MYCBP2: variants seen among roughly 807,000 people sequenced by gnomAD.
MYCBP2 encodes E3 ubiquitin-protein ligase MYCBP2.
Under a neutral mutation model 525.3 loss-of-function variants are expected in MYCBP2, and 120 were observed. The ratio of observed to expected loss-of-function variants is 0.23; its 90% CI spans 0.20 to 0.27. MYCBP2 has a LOEUF of 0.27. MYCBP2 is among the 10% of genes least tolerant of loss of function. The probability of loss-of-function intolerance (pLI) is 1.00; values close to 1 mark genes in which losing one functional copy is unlikely to be tolerated. For synonymous variants in MYCBP2, 1,894 were observed against 1,955.8 expected (o/e 0.97, Z 0.83); for missense variants, 4,149 against 5,657.1 (o/e 0.73, Z 8.55).
At chr13:77,084,511 A>G (rs897842300) in intron 62 of MYCBP2, among the ~76,000 whole-genome samples, 4 of 152,136 alleles carry the variant, frequency 2.6e-5, no homozygotes, top group Non-Finnish European at 5.9e-5. Context: ...GGCCATCTAG[A>G]TTCCATCAAG....
intron 55 of MYCBP2, chr13:77,103,458 C>A: frequency 7.7e-6 from 3 of 388,808 alleles, no homozygotes; most frequent in Non-Finnish European, 1.4e-5. Flanking sequence ...TATTTTTGAA[C>A]AAGTTTACAT....
Position 77,097,527 on chromosome 13 carries a change from T to G in MYCBP2, c.9627A>C (p.Lys3209Asn). ...TAACTTCTGCCTTTTCTTTTTTCTTTTTTTCCTTTTTGGACTTCTTATTCT... is the reference window on the plus strand; with the variant it reads ...TAACTTCTGCCTTTTCTTTTTTCTTGTTTTCCTTTTTGGACTTCTTATTCT... ...EKENKKSKKE[K>N]KKKEKAEVRP... Residue 3209 changes from lysine (K) to asparagine (N), a missense_variant, in exon 56 of 83, where the codon AAA becomes AAC. Coordinates refer to ENST00000544440, the MANE Select transcript of MYCBP2 (RefSeq NM_015057.5). 6 of 1,612,340 alleles carry G rather than the reference T, an allele frequency of 3.7e-6. No individual in the cohort carries two copies. The highest frequency in any genetic ancestry group is 4.2e-6 in the Non-Finnish European group (5 of 1,179,336).
At chr13:77,298,750 A>T (rs936392302) in intron 1 of MYCBP2, among the ~76,000 whole-genome samples, 2 of 152,230 alleles carry the variant, frequency 1.3e-5, no homozygotes, top group African/African-American at 4.8e-5. Context: ...CATGGAAACT[A>T]TGTATGTGGA....
At chr13:77,223,922 T>A (rs905516757) in intron 20 of MYCBP2, among the ~76,000 whole-genome samples, 4 of 147,904 alleles carry the variant, frequency 2.7e-5, no homozygotes. Context: ...CTAAAACAAA[T>A]GAAGTAGGGA....
Position 77,095,279 on chromosome 13 carries a change from T to A in MYCBP2, c.10199+79A>T, listed in dbSNP as rs191967706. 1.9e-4 allele frequency: 297 copies of A among 1,530,024 alleles called. No individual in the cohort carries two copies. In the African/African-American group the frequency reaches 3.4e-3, roughly 18 times the overall value. The allele number at this position is 1,530,024 out of a possible 1,614,324, so 94.8% of individuals were successfully genotyped here. On this transcript the variant is annotated intron_variant, in intron 58 of 82. Coordinates refer to ENST00000544440, the MANE Select transcript of MYCBP2 (RefSeq NM_015057.5). The stretch of plus-strand genomic sequence containing the variant: ...AATAGCTAATAAAGTGTAGGTCAAA[T>A]ACCGAACTACCCTAGATATCAATAA...
intron 18 of MYCBP2, among the ~76,000 whole-genome samples, chr13:77,232,441 T>C (rs2067263633): frequency 1.3e-5 from 2 of 152,168 alleles, no homozygotes; most frequent in African/African-American, 4.8e-5. Context: ...TTCCTGATCT[T>C]AGCTGACCCA....
At chr13:77,151,367 T>C (rs1321599520) in intron 46 of MYCBP2, among the ~76,000 whole-genome samples, 1 of 152,234 alleles carries the variant, frequency 6.6e-6, no homozygotes, top group Non-Finnish European at 1.5e-5. Context: ...TGAGCTGCAC[T>C]GTTCTACAGA....
chr13:77,098,683 G>A lies in MYCBP2; in HGVS notation c.8471C>T (p.Pro2824Leu). ...GPGSRLSSPKPKTLPANRSSP... is the reference protein window; with the variant it reads ...GPGSRLSSPKLKTLPANRSSP... The stretch of plus-strand genomic sequence containing the variant: ...AGACCTATTGGCTGGGAGAGTCTTT[G>A]GCTTAGGAGATGACAACCGAGAACC... Residue 2824 changes from proline to leucine, a missense_variant, in exon 56 of 83, where the codon CCA (proline) becomes CTA (leucine). Coordinates refer to ENST00000544440, the MANE Select transcript of MYCBP2 (RefSeq NM_015057.5). The A allele has an allele frequency of 1.2e-6, 2 of 1,613,500 alleles. No homozygotes were observed. Among genetic ancestry groups the A allele is most frequent in the African/African-American group, 1.3e-5 (1 of 74,936 alleles).
At chr13:77,154,265 A>G (rs2056927945) in intron 46 of MYCBP2, among the ~76,000 whole-genome samples, 1 of 152,122 alleles carries the variant, frequency 6.6e-6, no homozygotes, top group African/African-American at 2.4e-5. Flanking sequence ...TAAATTGGAT[A>G]AATCTGACAT....
At chr13:77,249,332 A>G (rs1250930510) in intron 15 of MYCBP2, among the ~76,000 whole-genome samples, 4 of 152,224 alleles carry the variant, frequency 2.6e-5, no homozygotes, top group Non-Finnish European at 5.9e-5. Flanking sequence ...AGTCAGCTTA[A>G]TAGTCCTTAA....
chr13:77,137,926 A>AAC (rs1263654699), intron 52 of MYCBP2, among the ~76,000 whole-genome samples: 1 of 152,120 alleles, frequency 6.6e-6, no homozygotes, highest in Non-Finnish European at 1.5e-5. Context: ...CCCCTTGCCC[A>AAC]ACAAAAAAGT....
chr13:77,270,188 T>C (rs892051441), intron 6 of MYCBP2, 108 bp downstream of exon 6: 1 of 1,427,132 alleles, frequency 7.0e-7, no homozygotes, highest in Non-Finnish European at 9.5e-7. Context: ...TAAATATTAT[T>C]ACACTAAAAT....
Position 77,097,926 on chromosome 13 carries a change from T to C in MYCBP2, c.9228A>G (p.Gln3076=). 2 of 1,612,878 alleles carry C rather than the reference T, an allele frequency of 1.2e-6. No individual in the cohort carries two copies. The highest frequency in any genetic ancestry group is 1.7e-6 in the Non-Finnish European group (2 of 1,179,628). The change falls in exon 56 of 83, where the codon CAA becomes CAG. Residue 3076 remains glutamine, a synonymous_variant. Transcript: ENST00000544440. ...ACTTGGTTTCTTTTTCCTCTGTAGG[T>C]TGTTGGCTATTTAAACTACTCCTTA... The part of the protein sequence containing the change: ...APIRSSLNSQ[Q]PTEEKETKLK...
intron 1 of MYCBP2, among the ~76,000 whole-genome samples, chr13:77,315,220 G>C (rs1333223584): frequency 6.6e-6 from 1 of 152,132 alleles, no homozygotes; most frequent in Non-Finnish European, 1.5e-5. Context: ...CATTCAAGAA[G>C]AAATAACAAC....
At chr13:77,125,553 G>T in intron 53 of MYCBP2, 85 bp from the exon 54 acceptor site, 1 of 1,456,722 alleles carries the variant, frequency 6.9e-7, no homozygotes, top group Admixed American at 1.8e-5. Flanking sequence ...TTACGTGTCT[G>T]AATAGTGTAA....
chr13:77,224,644 A>C (rs1452931854), intron 19 of MYCBP2, 112 bp from the exon 20 acceptor site: 2 of 571,818 alleles, frequency 3.5e-6, no homozygotes, highest in Non-Finnish European at 6.0e-6. Context: ...AGAACCATTA[A>C]AAATAGGTAA....
At chr13:77,179,124 G>C (rs181107282) in intron 34 of MYCBP2, among the ~76,000 whole-genome samples, 275 of 152,136 alleles carry the variant, frequency 1.8e-3, no homozygotes, top group Admixed American at 3.3e-3. Context: ...AATTCTAAAG[G>C]CTAAACTGTC....
rs766349839 is a variant in MYCBP2, at chr13:77,225,447, A to C, written c.2845T>G (p.Phe949Val). ...ELRAVQVSCG[F>V]HHSVVLMENG... is the part of the protein sequence containing the mutation. ...TTCCAGCCGCTACCTGAATGGTGAA[A>C]TCCACAGCTGACTTGGACTGCCCGG... is the stretch of plus-strand genomic sequence containing the variant. Residue 949 changes from phenylalanine to valine, a missense_variant, in exon 19 of 83, where the codon TTT (phenylalanine) becomes GTT (valine). Coordinates refer to ENST00000544440, the MANE Select transcript of MYCBP2 (RefSeq NM_015057.5). The C allele has an allele frequency of 4.5e-5, 72 of 1,613,534 alleles. No individual in the cohort carries two copies. Among genetic ancestry groups the C allele is most frequent in the Non-Finnish European group, 5.7e-5 (67 of 1,179,706 alleles).
intron 2 of MYCBP2, among the ~76,000 whole-genome samples, chr13:77,289,720 G>A (rs868605844): frequency 6.6e-6 from 1 of 151,716 alleles, no homozygotes; most frequent in African/African-American, 2.4e-5. Flanking sequence ...ATCCAGCCAA[G>A]GGAAAAAGGC....
Sources: allele counts gnomAD v4.1 joint callset (sites outside exome capture counted in the v4.1 genomes callset), GRCh38; gene constraint gnomAD v4.1.1; transcripts MANE v1.5; gene names NCBI Gene and HGNC (gene_info 2026-07-23, HGNC 2026-07-21).